CCDC102B: variants seen among roughly 807,000 people sequenced by gnomAD.
The protein encoded by CCDC102B is coiled-coil domain-containing protein 102B.
CCDC102B carries 75 observed loss-of-function variants against 57.4 expected under a neutral mutation model. That is an observed-to-expected ratio of 1.31 (90% confidence interval 1.08 to 1.58). The LOEUF (loss-of-function observed/expected upper bound fraction) is 1.58. Ranked by LOEUF, CCDC102B falls within the 40% of genes most tolerant of loss-of-function variation. The pLI, the probability that CCDC102B is intolerant of heterozygous loss-of-function variation, is 0.00. For synonymous variants in CCDC102B, 206 were observed against 201.9 expected, an observed-to-expected ratio of 1.02 and a Z score of -0.17; for missense variants, 636 against 582.6, an observed-to-expected ratio of 1.09 and a Z score of -0.94.
chr18:68,786,708 C>G (rs2035226319), intron 2 of CCDC102B, among the ~76,000 whole-genome samples: 1 of 143,504 alleles, frequency 7.0e-6, no homozygotes, highest in Non-Finnish European at 1.5e-5. Flanking sequence ...AGTTGCTTAT[C>G]AGCTTAAGGA....
In CCDC102B at chr18:68,885,759, A is replaced by C. The variant is rs1341758765; in HGVS notation, c.1053+10974A>C. On this transcript the variant is annotated intron_variant, in intron 5 of 7. Transcript: ENST00000360242. ...CAGTTCACAAAATGATGTAAAAAAC[A>C]TGAGTTAGGAAGTAGAACTAAATAG... Among the ~76,000 whole-genome samples, 4 of 152,030 alleles carry C rather than the reference A, an allele frequency of 2.6e-5. No individual in the cohort carries two copies. In the East Asian group the frequency reaches 5.8e-4, roughly 22 times the overall value.
chr18:68,897,296 G>C lies in CCDC102B; in HGVS notation c.1131G>C (p.Glu377Asp). ...TTGAAAGAGAAAAGCAGGGACTGGA[G>C]AGAGAAAATAGAAGGCTGAAGATCC... ...EILEREKQGL[E>D]RENRRLKIQV... Residue 377 changes from glutamate (E) to aspartate (D), a missense_variant, in exon 6 of 8, where the codon GAG becomes GAC. Physicochemically the swap from Glu to Asp is conservative, Grantham distance 45 (BLOSUM62 2). Transcript: ENST00000360242. 1 of 1,613,216 alleles carries C rather than the reference G, an allele frequency of 6.2e-7. No homozygotes were observed. Among genetic ancestry groups the C allele is most frequent in the Non-Finnish European group, 8.5e-7 (1 of 1,179,342 alleles).
intron 6 of CCDC102B, among the ~76,000 whole-genome samples, chr18:68,961,394 A>G (rs1397325654): frequency 6.6e-6 from 1 of 152,048 alleles, no homozygotes; most frequent in Non-Finnish European, 1.5e-5. Flanking sequence ...AAAACTAGAT[A>G]TAGGATTATG....
intron 2 of CCDC102B, among the ~76,000 whole-genome samples, chr18:68,719,539 TACC>T (rs1161718224): frequency 5.3e-5 from 8 of 152,168 alleles, no homozygotes; most frequent in Admixed American, 2.6e-4. Context: ...ACAGTGAATT[TACC>T]TGCCCTCCAT....
chr18:68,752,229 C>T (rs1281477049), intron 2 of CCDC102B, among the ~76,000 whole-genome samples: 4 of 151,986 alleles, frequency 2.6e-5, no homozygotes, highest in Non-Finnish European at 5.9e-5. Flanking sequence ...CACTGCACTC[C>T]AGCCTGGGTG....
intron 6 of CCDC102B, among the ~76,000 whole-genome samples, chr18:68,899,117 G>A (rs1599655433): frequency 0.029 from 2 of 68 alleles, no homozygotes; most frequent in East Asian, 0.5. Flanking sequence ...GATGGTGAGG[G>A]TGGTGGTTGG....
chr18:69,014,974 A>AGTGTGTGTGTGTGT (rs1189382089), intron 7 of CCDC102B, among the ~76,000 whole-genome samples: 1 of 116,628 alleles, frequency 8.6e-6, no homozygotes, highest in African/African-American at 2.8e-5. Flanking sequence ...AGAGAGAGAG[A>AGTGTGTGTGTGTGT]GAGAGTGTGT....
chr18:68,839,180 C>T (rs2037516252), intron 3 of CCDC102B, among the ~76,000 whole-genome samples: 1 of 152,102 alleles, frequency 6.6e-6, no homozygotes, highest in African/African-American at 2.4e-5. Flanking sequence ...GGTAGATTCA[C>T]TTTAATTGTA....
At chr18:68,750,092 AC>A (rs1358583513) in intron 2 of CCDC102B, among the ~76,000 whole-genome samples, 4 of 152,214 alleles carry the variant, frequency 2.6e-5, no homozygotes, top group African/African-American at 7.2e-5. Flanking sequence ...AAGAAAAAAA[AC>A]AAACATCTCC....
chr18:68,986,512 A>G (rs909960497), intron 6 of CCDC102B, among the ~76,000 whole-genome samples: 3 of 152,192 alleles, frequency 2.0e-5, no homozygotes, highest in East Asian at 1.9e-4. Context: ...AGATCCATCT[A>G]TGACAAACTT....
At chr18:68,787,841 T>G (rs2035269576) in intron 2 of CCDC102B, among the ~76,000 whole-genome samples, 1 of 152,112 alleles carries the variant, frequency 6.6e-6, no homozygotes, top group Non-Finnish European at 1.5e-5. Flanking sequence ...AGTTCTGTTC[T>G]GATTTTAGTT....
At chr18:68,998,167 A>T (rs1158889149) in intron 6 of CCDC102B, among the ~76,000 whole-genome samples, 1 of 151,700 alleles carries the variant, frequency 6.6e-6, no homozygotes, top group Non-Finnish European at 1.5e-5. Context: ...ATTTTTTTTT[A>T]ATTTAATGAG....
intron 7 of CCDC102B, among the ~76,000 whole-genome samples, chr18:69,017,078 T>G (rs899156853): frequency 2.0e-5 from 3 of 152,100 alleles, no homozygotes; most frequent in Non-Finnish European, 2.9e-5. Context: ...TAAGATTTAC[T>G]TTTAGTTCCA....
chr18:68,868,645 C>G (rs1375268872), intron 4 of CCDC102B, among the ~76,000 whole-genome samples: 1 of 152,220 alleles, frequency 6.6e-6, no homozygotes, highest in East Asian at 1.9e-4. Flanking sequence ...CCAAACCTGA[C>G]TAACTGTAAA....
At position 68,799,618 on chromosome 18, in the gene CCDC102B, G is replaced by T. The variant is rs1490921052; in HGVS notation, c.-16+1437G>T. Among the ~76,000 whole-genome samples, 3 of 152,232 alleles carry T rather than the reference G, an allele frequency of 2.0e-5. No individual in the cohort carries two copies. The East Asian group carries it at 5.8e-4, about 29-fold the overall frequency. ...TATTCAGAAATTCCCTTTTTAGCAG[G>T]TATGTGAGTCCTAAAGAGATGCCAG... On this transcript the variant is annotated intron_variant, in intron 1 of 7. Coordinates refer to ENST00000360242, the MANE Select transcript of CCDC102B (RefSeq NM_024781.3).
At chr18:68,815,210 C>T (rs1307691438) in intron 1 of CCDC102B, among the ~76,000 whole-genome samples, 2 of 152,086 alleles carry the variant, frequency 1.3e-5, no homozygotes, top group Non-Finnish European at 2.9e-5. Context: ...ACTTTCAAAT[C>T]ATTCTCTTAC....
chr18:68,893,201 T>C (rs1246758191), intron 5 of CCDC102B, among the ~76,000 whole-genome samples: 2 of 152,208 alleles, frequency 1.3e-5, no homozygotes, highest in East Asian at 3.8e-4. Context: ...TGGAAGTTAA[T>C]AAATATTTTC....
chr18:68,886,338 T>C (rs2039882891), intron 5 of CCDC102B, among the ~76,000 whole-genome samples: 1 of 151,976 alleles, frequency 6.6e-6, no homozygotes, highest in Admixed American at 6.6e-5. Flanking sequence ...AGGGTGATGA[T>C]TTATAAATTA....
intron 6 of CCDC102B, among the ~76,000 whole-genome samples, chr18:68,970,526 C>CT (rs201320085): frequency 0.026 from 3,764 of 147,358 alleles, 116 homozygotes; most frequent in East Asian, 0.15. Flanking sequence ...GTATTAATTA[C>CT]TTTTTTTTTT....
Sources: gnomAD v4.1 joint callset for allele counts (sites outside exome capture counted in the v4.1 genomes callset) on GRCh38, gnomAD v4.1.1 for gene constraint, MANE v1.5 for transcripts, NCBI Gene and HGNC (gene_info 2026-07-23, HGNC 2026-07-21) for gene names.